Variants in FIS1 observed in about 807,000 individuals in gnomAD.
FIS1 encodes mitochondrial fission 1 protein.
FIS1 carries 16 observed loss-of-function variants against 21.6 expected under a neutral mutation model. The ratio of observed to expected loss-of-function variants is 0.74; its 90% CI spans 0.50 to 1.12. The LOEUF is 1.12. Among genes scored for constraint, FIS1 ranks in the 50% most tolerant of loss-of-function variants. The probability of loss-of-function intolerance (pLI) is 0.00; values close to 1 mark genes in which losing one functional copy is unlikely to be tolerated. For synonymous variants in FIS1, 92 were observed against 82.2 expected (o/e 1.12, Z -0.65); for missense variants, 198 against 190.9 (o/e 1.04, Z -0.22).
At chr7:101,242,560 C>T (rs1798764393) in intron 2 of FIS1, among the ~76,000 whole-genome samples, 1 of 146,716 alleles carries the variant, frequency 6.8e-6, no homozygotes, top group Admixed American at 7.0e-5. Flanking sequence ...GTGATCTTGG[C>T]TCACTGCAAC....
Position 101,239,724 on chromosome 7 carries a change from G to T in FIS1, c.*82C>A. 2 of 1,176,636 alleles carry T rather than the reference G, an allele frequency of 1.7e-6. No individual in the cohort carries two copies. The highest frequency in any genetic ancestry group is 1.2e-6 in the Non-Finnish European group (1 of 804,608). The allele number at this position is 1,176,636 out of a possible 1,614,324, so 72.9% of individuals were successfully genotyped here. The stretch of plus-strand genomic sequence containing the variant: ...CTGAAGGCCACAGAGGATAGAGACG[G>T]GGGGCAGGGGGAGAACAGGGAAAGG... On this transcript the variant is annotated 3_prime_UTR_variant, in exon 5 of 5. Coordinates refer to ENST00000223136, the MANE Select transcript of FIS1 (RefSeq NM_016068.3).
chr7:101,242,487 G>GATTTTTTTTTTTTTTTTTTT (rs535619243), intron 2 of FIS1, among the ~76,000 whole-genome samples: 1 of 131,918 alleles, frequency 7.6e-6, no homozygotes, highest in African/African-American at 2.9e-5. Flanking sequence ...TATTTTTATA[G>GATTTTTTTTTTTTTTTTTTT]TTTTTTTTTT....
Position 101,239,506 on chromosome 7 carries a change from C to G in FIS1, c.*300G>C, listed in dbSNP as rs1398960409. The G allele has an allele frequency of 6.4e-6, 3 of 467,562 alleles. No homozygotes were observed. Among genetic ancestry groups the G allele is most frequent in the Non-Finnish European group, 1.2e-5 (3 of 251,446 alleles). The allele number at this position is 467,562 out of a possible 1,614,324, so 29.0% of individuals were successfully genotyped here. Reference sequence around the variant, plus strand: ...TGGGCTGCGGGGTGGACAAAGAACCCCGTGCCAACCTGGAGGGCAGGGGCA... The same window carrying G: ...TGGGCTGCGGGGTGGACAAAGAACCGCGTGCCAACCTGGAGGGCAGGGGCA... On this transcript the variant is annotated 3_prime_UTR_variant, in exon 5 of 5. Coordinates refer to ENST00000223136, the MANE Select transcript of FIS1 (RefSeq NM_016068.3).
Position 101,240,130 on chromosome 7 carries a change from C to A in FIS1, c.361+12G>T. ...GAAGAGCGGGGCTGAACAAAGGGGCCGAGGCTGTCACCTTTCTTCATGGCC... is the reference window on the plus strand; with the variant it reads ...GAAGAGCGGGGCTGAACAAAGGGGCAGAGGCTGTCACCTTTCTTCATGGCC... On this transcript the variant is annotated intron_variant, in intron 4 of 4. Transcript: ENST00000223136. 3.1e-6 allele frequency: 5 copies of A among 1,613,702 alleles called. No homozygotes were observed. The South Asian group carries it at 5.5e-5, about 18-fold the overall frequency.
intron 1 of FIS1, chr7:101,244,586 C>CA: frequency 5.4e-6 from 2 of 373,050 alleles, no homozygotes; most frequent in South Asian, 7.4e-5. Context: ...TGAGATCTGG[C>CA]ATGCGATGCC....
Position 101,239,755 on chromosome 7 carries a change from G to A in FIS1, c.*51C>T, listed in dbSNP as rs1002323532. ...AGGGGGAGAACAGGGAAAGGACAGC[G>A]AGGATGGACAGGCCCTCCTGGAGCG... On this transcript the variant is annotated 3_prime_UTR_variant, in exon 5 of 5. Transcript: ENST00000223136. 6.9e-6 allele frequency: 10 copies of A among 1,446,730 alleles called. No individual in the cohort carries two copies. The highest frequency in any genetic ancestry group is 1.4e-5 in the African/African-American group (1 of 71,254). 89.6% of individuals were successfully genotyped at this position (1,446,730 alleles called of 1,614,324 possible).
intron 1 of FIS1, 22 bp downstream of exon 1, chr7:101,244,938 C>T: frequency 1.2e-6 from 2 of 1,613,978 alleles, no homozygotes; most frequent in South Asian, 2.2e-5. Flanking sequence ...TTCCCTTTCC[C>T]TCTGTCCGGG....
In FIS1 at chr7:101,240,172, C is replaced by G. The variant is rs1212906733; in HGVS notation, c.331G>C (p.Glu111Gln). Residue 111 changes from glutamate (E) to glutamine (Q), a missense_variant, in exon 4 of 5, where the codon GAG (glutamate) becomes CAG (glutamine). Physicochemically the swap from Glu to Gln is conservative, Grantham distance 29. Transcript: ENST00000223136. The stretch of plus-strand genomic sequence containing the variant: ...TTCATGGCCTTGTCAATGAGCCGCT[C>G]CAGTTCCTTGGCCTGGTTGTTCTGG... ...EPQNNQAKELERLIDKAMKKD... is the reference protein window; with the variant it reads ...EPQNNQAKELQRLIDKAMKKD... The G allele has an allele frequency of 3.1e-6, 5 of 1,614,096 alleles. No individual in the cohort carries two copies. Among genetic ancestry groups the G allele is most frequent in the African/African-American group, 2.7e-5 (2 of 74,914 alleles).
intron 1 of FIS1, 145 bp downstream of exon 1, chr7:101,244,815 G>T: frequency 2.1e-6 from 2 of 961,318 alleles, no homozygotes; most frequent in Non-Finnish European, 3.2e-6. Flanking sequence ...CCGGGCAGGA[G>T]CCAGGCGCTG....
In FIS1 at chr7:101,241,638, T is replaced by TC. The variant is rs1491439479; in HGVS notation, c.179-733_179-732insG. The TC allele has an allele frequency of 9.2e-5, 7 of 76,028 alleles. No individual in the cohort carries two copies. The East Asian group carries it at 2.6e-3, about 28-fold the overall frequency. The allele number at this position is 76,028 out of a possible 1,614,324, so 4.7% of individuals were successfully genotyped here. Reference sequence around the variant, plus strand: ...CCCCACCTGACTTTGTCTTCCTTCCTTTTTTTTTTTTTTTTTTTTTTTTTT... The same window carrying TC: ...CCCCACCTGACTTTGTCTTCCTTCCTCTTTTTTTTTTTTTTTTTTTTTTTTT... On this transcript the variant is annotated intron_variant, in intron 2 of 4. Coordinates refer to ENST00000223136, the MANE Select transcript of FIS1 (RefSeq NM_016068.3).
intron 1 of FIS1, chr7:101,244,561 T>A (rs1414250766): frequency 2.9e-6 from 1 of 350,844 alleles, no homozygotes; most frequent in East Asian, 6.0e-5. Context: ...GCCTACCTCC[T>A]AGAGCTACAA....
At chr7:101,244,466 A>T (rs1798787522) in intron 1 of FIS1, 1 of 353,678 alleles carries the variant, frequency 2.8e-6, no homozygotes, top group African/African-American at 2.1e-5. Flanking sequence ...TCAACAGCCC[A>T]CGCGGTCCTC....
intron 2 of FIS1, among the ~76,000 whole-genome samples, chr7:101,243,703 G>C (rs1399608218): frequency 6.6e-6 from 1 of 152,226 alleles, no homozygotes; most frequent in East Asian, 1.9e-4. Context: ...GGGGGGAAGG[G>C]CATGGGCCTA....
At chr7:101,239,933 C>T (rs1387743732) in intron 4 of FIS1, 30 bp from the exon 5 acceptor site, 1 of 1,561,014 alleles carries the variant, frequency 6.4e-7, no homozygotes, top group African/African-American at 1.4e-5. Context: ...GTGTCAGGAG[C>T]CCGGCCCCTG....
At position 101,239,700 on chromosome 7, in the gene FIS1, T is replaced by A; in HGVS notation, c.*106A>T. ...GAATCTCAGGGGAGCAGAAATTAGC[T>A]GAAGGCCACAGAGGATAGAGACGGG... On this transcript the variant is annotated 3_prime_UTR_variant, in exon 5 of 5. Coordinates refer to ENST00000223136, the MANE Select transcript of FIS1 (RefSeq NM_016068.3). 1.1e-6 allele frequency: 1 copy of A among 925,712 alleles called. No homozygotes were observed. Among genetic ancestry groups the A allele is most frequent in the Middle Eastern group, 2.1e-4 (1 of 4,812 alleles). 57.3% of individuals were successfully genotyped at this position (925,712 alleles called of 1,614,324 possible). A position where few individuals can be genotyped will look rare whatever the true frequency, so the allele number is the denominator to read the frequency against.
At chr7:101,241,920 T>A (rs371614987) in intron 2 of FIS1, 1 of 151,672 alleles carries the variant, frequency 6.6e-6, no homozygotes, top group African/African-American at 2.4e-5. Flanking sequence ...GATTGCACCA[T>A]TGCACACTCA....
At chr7:101,243,947 G>C (rs1657376887) in intron 2 of FIS1, 60 bp downstream of exon 2, 1 of 1,555,326 alleles carries the variant, frequency 6.4e-7, no homozygotes, top group Non-Finnish European at 8.7e-7. Context: ...CCTGGACTAC[G>C]GGGCCCACAT....
chr7:101,239,884 G>C lies in FIS1; in HGVS notation c.381C>G (p.Ala127=), dbSNP rs1230797978. 1 of 1,607,590 alleles carries C rather than the reference G, an allele frequency of 6.2e-7. No individual in the cohort carries two copies. The highest frequency in any genetic ancestry group is 2.2e-5 in the East Asian group (1 of 44,632). Residue 127 remains alanine (A), a synonymous_variant, in exon 5 of 5, where the codon GCC becomes GCG. Transcript: ENST00000223136. ...CACCCAGGGCCATGCCTCCCACGAT[G>C]GCCATGCCCACGAGTCCATCTGGGG... ...AMKKDGLVGM[A]IVGGMALGVA...
chr7:101,239,946 G>T (rs1428621028), intron 4 of FIS1, 43 bp from the exon 5 acceptor site: 1 of 1,542,488 alleles, frequency 6.5e-7, no homozygotes, highest in Non-Finnish European at 8.8e-7. Flanking sequence ...GGCCCCTGCG[G>T]AAACCCTGAC....
Sources: allele counts gnomAD v4.1 joint callset (sites outside exome capture counted in the v4.1 genomes callset), GRCh38; gene constraint gnomAD v4.1.1; transcripts MANE v1.5; gene names NCBI Gene and HGNC (gene_info 2026-07-23, HGNC 2026-07-21).